The following SLC9A4 variants were observed in gnomAD, a reference collection of about 807,000 sequenced individuals.
SLC9A4 encodes sodium/hydrogen exchanger 4.
Under a neutral mutation model 67.4 loss-of-function variants are expected in SLC9A4, and 63 were observed. That is an observed-to-expected ratio of 0.93 (90% CI 0.76 to 1.15). The LOEUF (loss-of-function observed/expected upper bound fraction) is 1.15, where lower values mean the gene tolerates loss of function less well. Ranked by LOEUF, SLC9A4 falls within the 50% of genes most tolerant of loss-of-function variation. The pLI, the probability that SLC9A4 is intolerant of heterozygous loss-of-function variation, is 0.00. For missense variants in SLC9A4, 1,089 were observed against 987.7 expected, an observed-to-expected ratio of 1.10 and a Z score of -1.38; for synonymous variants, 393 against 367.2, an observed-to-expected ratio of 1.07 and a Z score of -0.80.
chr2:102,515,626 A>G (rs1351398204), intron 8 of SLC9A4, among the ~76,000 whole-genome samples: 1 of 151,888 alleles, frequency 6.6e-6, no homozygotes. Context: ...AACATCAGGC[A>G]TATCGATCCT....
In SLC9A4 at chr2:102,505,615, A is replaced by G. The variant is rs1292909500; in HGVS notation, c.1198+144A>G. ...GTAGACTAGGAACCTGGTCGTGAGC[A>G]GGAATCTTTTCTGTTTGTTCCCTCA... On this transcript the variant is annotated intron_variant, in intron 4 of 11. Coordinates refer to ENST00000295269, the MANE Select transcript of SLC9A4 (RefSeq NM_001011552.4). The G allele has an allele frequency of 1.7e-5, 12 of 726,830 alleles. No individual in the cohort carries two copies. In the East Asian group the frequency reaches 3.3e-4, roughly 20 times the overall value. The allele number at this position is 726,830 out of a possible 1,614,324, so 45.0% of individuals were successfully genotyped here. A position where few individuals can be genotyped will look rare whatever the true frequency, so the allele number is the denominator to read the frequency against.
chr2:102,494,950 G>T (rs544168870), intron 2 of SLC9A4, among the ~76,000 whole-genome samples: 2 of 152,072 alleles, frequency 1.3e-5, no homozygotes, highest in East Asian at 1.9e-4. Context: ...TATTAGCAAG[G>T]CATGGAGAAT....
chr2:102,505,074 TAGGG>T (rs146840523), intron 3 of SLC9A4, among the ~76,000 whole-genome samples, 176 bp from the exon 4 acceptor site: 23,896 of 152,020 alleles, frequency 0.16, 2,242 homozygotes, highest in African/African-American at 0.26. Context: ...AAAGATCTCT[TAGGG>T]AGGGAAAAGA....
Position 102,531,854 on chromosome 2 carries a change from T to C in SLC9A4, c.2039-476T>C, listed in dbSNP as rs151310195. On this transcript the variant is annotated intron_variant, in intron 11 of 11. Transcript: ENST00000295269. ...CCCTTCTATCCCCCTTTCTCCAGGA[T>C]TGACTTTTTCTATATCAAAGATTGG... Among the ~76,000 whole-genome samples the C allele has an allele frequency of 5.0e-3, 760 of 152,314 alleles. 7 individuals carry two copies. Among genetic ancestry groups the C allele is most frequent in the African/African-American group, 0.017 (706 of 41,576 alleles).
At position 102,490,630 on chromosome 2, in the gene SLC9A4, G is replaced by A. The variant is rs530097344; in HGVS notation, c.720+11328G>A. 2.6e-5 allele frequency among the ~76,000 whole-genome samples: 4 copies of A among 152,262 alleles called. No homozygotes were observed. The South Asian group carries it at 8.3e-4, about 32-fold the overall frequency. On this transcript the variant is annotated intron_variant, in intron 2 of 11. Coordinates refer to ENST00000295269, the MANE Select transcript of SLC9A4 (RefSeq NM_001011552.4). The stretch of plus-strand genomic sequence containing the variant: ...CCAACATATAAATTTGGAGAGGGGG[G>A]CATGATTCAACCCGTAGCTGACCCC...
At chr2:102,482,439 C>T (rs865803294) in intron 2 of SLC9A4, among the ~76,000 whole-genome samples, 57 of 152,178 alleles carry the variant, frequency 3.7e-4, no homozygotes, top group African/African-American at 1.3e-3. Flanking sequence ...TATCCATCTC[C>T]CCAGACGACA....
At position 102,474,023 on chromosome 2, in the gene SLC9A4, C is replaced by T. The variant is rs56996196; in HGVS notation, c.256+8C>T. ...CATCCCTTGCAAAAATAGGTAAGTC[C>T]TTAAACACCTGGTTTGGTGAGTTAT... On this transcript the variant is annotated splice_region_variant and intron_variant, in intron 1 of 11. Transcript: ENST00000295269. The T allele has an allele frequency of 3.4e-3, 5,496 of 1,611,024 alleles. 159 individuals are homozygous for T. In the African/African-American group the frequency reaches 0.065, roughly 19 times the overall value.
chr2:102,498,008 G>A (rs1684847276), intron 2 of SLC9A4, among the ~76,000 whole-genome samples: 1 of 152,180 alleles, frequency 6.6e-6, no homozygotes, highest in South Asian at 2.1e-4. Flanking sequence ...GGAAGGCTTG[G>A]AAAATCTGTT....
Position 102,503,504 on chromosome 2 carries a change from AAC to A in SLC9A4, c.778_779del (p.Thr260CysfsTer42). The A allele has an allele frequency of 6.2e-7, 1 of 1,614,144 alleles. No homozygotes were observed. Among genetic ancestry groups the A allele is most frequent in the Non-Finnish European group, 8.5e-7 (1 of 1,179,982 alleles). ...TKMHKFEDIE[T>X]VDILAGCARF... ...AGATGCATAAATTTGAAGACATAGA[AAC>A]TGTCGACATTTTGGCTGGATGTGCC... On this transcript the variant is annotated frameshift_variant, in exon 3 of 12. Transcript: ENST00000295269. LOFTEE classifies it high-confidence loss of function.
intron 11 of SLC9A4, 24 bp downstream of exon 11, chr2:102,526,370 T>A: frequency 1.9e-6 from 3 of 1,609,672 alleles, no homozygotes; most frequent in Non-Finnish European, 2.6e-6. Context: ...CTGGCTGCTC[T>A]GCTGCTTTTC....
rs147642039 is a variant in SLC9A4 at position 102,514,538 on chromosome 2, A to G, written c.1721+287A>G. Reference sequence around the variant, plus strand: ...AAGCGAATGTGTAGAATTGCAGCATATTTTACAAGACTGTCTCATTTTCCT... The same window carrying G: ...AAGCGAATGTGTAGAATTGCAGCATGTTTTACAAGACTGTCTCATTTTCCT... On this transcript the variant is annotated intron_variant, in intron 8 of 11. Coordinates refer to ENST00000295269, the MANE Select transcript of SLC9A4 (RefSeq NM_001011552.4). Among the ~76,000 whole-genome samples the G allele has an allele frequency of 4.6e-5, 7 of 152,250 alleles. 1 individual carries two copies. In the East Asian group the frequency reaches 1.2e-3, roughly 25 times the overall value.
chr2:102,514,731 T>C (rs1573350743), intron 8 of SLC9A4, among the ~76,000 whole-genome samples: 1 of 152,150 alleles, frequency 6.6e-6, no homozygotes, highest in Non-Finnish European at 1.5e-5. Context: ...TGGTGGTCTA[T>C]GTAAAGAGAA....
At chr2:102,501,911 C>A (rs1192285862) in intron 2 of SLC9A4, among the ~76,000 whole-genome samples, 1 of 151,836 alleles carries the variant, frequency 6.6e-6, no homozygotes, top group African/African-American at 2.4e-5. Context: ...GCATGAGGGG[C>A]CACAGCCAGA....
intron 11 of SLC9A4, among the ~76,000 whole-genome samples, chr2:102,528,196 C>G (rs530819718): frequency 6.6e-6 from 1 of 151,864 alleles, no homozygotes; most frequent in South Asian, 2.1e-4. Flanking sequence ...TCAGTGGAGA[C>G]GGGGTTTCAC....
intron 2 of SLC9A4, among the ~76,000 whole-genome samples, chr2:102,500,958 CTTT>C (rs11443914): frequency 7.1e-6 from 1 of 141,336 alleles, no homozygotes; most frequent in Non-Finnish European, 1.5e-5. Flanking sequence ...AAGCAACAAT[CTTT>C]TTTTTTTTTT....
intron 2 of SLC9A4, among the ~76,000 whole-genome samples, chr2:102,494,656 G>T (rs187279791): frequency 3.3e-5 from 5 of 151,986 alleles, no homozygotes; most frequent in Middle Eastern, 3.4e-3. Context: ...GATAAACCAA[G>T]CAAACAATAA....
At chr2:102,508,747 A>G (rs1685099006) in intron 5 of SLC9A4, 100 bp from the exon 6 acceptor site, 3 of 871,622 alleles carry the variant, frequency 3.4e-6, no homozygotes, top group Non-Finnish European at 5.3e-6. Context: ...GTACAAAAAC[A>G]TATAGATTGG....
intron 9 of SLC9A4, among the ~76,000 whole-genome samples, chr2:102,522,570 T>C (rs1029219903): frequency 1.3e-5 from 2 of 152,256 alleles, no homozygotes; most frequent in Admixed American, 1.3e-4. Context: ...CTCCCAAGTC[T>C]AGGTGTAGGA....
At chr2:102,511,731 A>G (rs1685166952) in intron 6 of SLC9A4, among the ~76,000 whole-genome samples, 1 of 152,040 alleles carries the variant, frequency 6.6e-6, no homozygotes. Flanking sequence ...ATTCTATGTT[A>G]TAGTAGAATA....
Sources: allele counts gnomAD v4.1 joint callset (sites outside exome capture counted in the v4.1 genomes callset), GRCh38; gene constraint gnomAD v4.1.1; transcripts MANE v1.5; gene names NCBI Gene and HGNC (gene_info 2026-07-23, HGNC 2026-07-21).